CHCHD3: variants seen among roughly 807,000 people sequenced by gnomAD.
CHCHD3 encodes the protein MICOS complex subunit MIC19.
In CHCHD3, 20 loss-of-function variants were observed where a neutral mutation model predicts 38.2. The observed-to-expected ratio is 0.52, with a 90% CI of 0.37 to 0.76. CHCHD3 has a LOEUF of 0.76. CHCHD3 is among the 30% of genes least tolerant of loss of function. The pLI, the probability that CHCHD3 is intolerant of heterozygous loss-of-function variation, is 0.00. For missense variants in CHCHD3, 245 were observed against 279.2 expected, an observed-to-expected ratio of 0.88 and a Z score of 0.87; for synonymous variants, 82 against 100.0, an observed-to-expected ratio of 0.82 and a Z score of 1.07.
intron 6 of CHCHD3, among the ~76,000 whole-genome samples, chr7:132,820,405 A>G (rs1226942071): frequency 6.6e-6 from 1 of 152,180 alleles, no homozygotes; most frequent in African/African-American, 2.4e-5. Flanking sequence ...ACTGCTAACA[A>G]AAAATGTTTG....
chr7:133,029,419 G>C (rs1813440890), intron 2 of CHCHD3, among the ~76,000 whole-genome samples: 1 of 152,032 alleles, frequency 6.6e-6, no homozygotes, highest in Non-Finnish European at 1.5e-5. Flanking sequence ...ACATCCCCTG[G>C]TAATCACTCT....
At chr7:133,072,277 TATTATGGTAATCC>T (rs1814846320) in intron 1 of CHCHD3, among the ~76,000 whole-genome samples, 1 of 151,228 alleles carries the variant, frequency 6.6e-6, no homozygotes, top group Non-Finnish European at 1.5e-5. Context: ...AAAAAAAAGC[TATTATGGTAATCC>T]AGGGGAGAAC....
At chr7:133,067,679 C>T (rs1030208779) in intron 2 of CHCHD3, among the ~76,000 whole-genome samples, 7 of 152,218 alleles carry the variant, frequency 4.6e-5, no homozygotes, top group African/African-American at 1.7e-4. Flanking sequence ...GACAAGGCAT[C>T]TTCTTAAGCC....
At chr7:132,957,144 AG>A (rs1811195652) in intron 4 of CHCHD3, among the ~76,000 whole-genome samples, 3 of 152,246 alleles carry the variant, frequency 2.0e-5, no homozygotes. Flanking sequence ...GGGAACCTGG[AG>A]ACCTGGAGGC....
intron 1 of CHCHD3, among the ~76,000 whole-genome samples, chr7:133,079,837 T>G (rs1278911810): frequency 6.6e-6 from 1 of 152,222 alleles, no homozygotes; most frequent in Non-Finnish European, 1.5e-5. Flanking sequence ...AAGTTGATAC[T>G]CTTTTGATCA....
intron 5 of CHCHD3, chr7:132,849,646 T>C (rs1264766623): frequency 6.6e-6 from 1 of 152,208 alleles, no homozygotes; most frequent in Non-Finnish European, 1.5e-5. Context: ...AAGCTAGATA[T>C]ATGGTAAACA....
chr7:132,890,811 C>T (rs992966856), intron 4 of CHCHD3, among the ~76,000 whole-genome samples: 1 of 152,100 alleles, frequency 6.6e-6, no homozygotes, highest in Non-Finnish European at 1.5e-5. Flanking sequence ...AATCTTTTAA[C>T]AATCTGAAGC....
At chr7:132,957,911 T>C (rs966088076) in intron 4 of CHCHD3, among the ~76,000 whole-genome samples, 4 of 152,210 alleles carry the variant, frequency 2.6e-5, no homozygotes, top group Non-Finnish European at 4.4e-5. Context: ...AACTTAGTAT[T>C]GCACATTTGG....
At chr7:132,848,669 A>G (rs1273502608) in intron 5 of CHCHD3, among the ~76,000 whole-genome samples, 1 of 152,198 alleles carries the variant, frequency 6.6e-6, no homozygotes, top group Non-Finnish European at 1.5e-5. Context: ...TCTATCAGAA[A>G]ACCTAATGAC....
chr7:132,894,330 C>T (rs1809441739), intron 4 of CHCHD3, among the ~76,000 whole-genome samples: 1 of 152,122 alleles, frequency 6.6e-6, no homozygotes, highest in Admixed American at 6.5e-5. Context: ...GTAAGAAACT[C>T]AGTGAGGAGA....
intron 6 of CHCHD3, among the ~76,000 whole-genome samples, chr7:132,825,399 A>T (rs1476990041): frequency 6.6e-6 from 1 of 152,236 alleles, no homozygotes; most frequent in Non-Finnish European, 1.5e-5. Context: ...CAAAGACTTC[A>T]AAAACAGCCC....
chr7:132,937,783 T>A (rs1262381393), intron 4 of CHCHD3, among the ~76,000 whole-genome samples: 1 of 152,174 alleles, frequency 6.6e-6, no homozygotes, highest in East Asian at 1.9e-4. Context: ...AAACAGCAAT[T>A]TACCCAATAT....
chr7:133,060,507 ACAATGAG>A (rs1195100444), intron 2 of CHCHD3, among the ~76,000 whole-genome samples: 1 of 152,240 alleles, frequency 6.6e-6, no homozygotes, highest in Non-Finnish European at 1.5e-5. Context: ...AGGGATCTGA[ACAATGAG>A]CAGGAGTTTG....
intron 7 of CHCHD3, among the ~76,000 whole-genome samples, chr7:132,786,651 ACCTGCCTCCCG>A (rs1245840638): frequency 6.6e-6 from 1 of 152,026 alleles, no homozygotes; most frequent in East Asian, 1.9e-4. Flanking sequence ...ATCCATTCCC[ACCTGCCTCCCG>A]CCAACCCGCA....
chr7:132,835,586 G>A (rs1311507474), intron 6 of CHCHD3, among the ~76,000 whole-genome samples: 1 of 152,146 alleles, frequency 6.6e-6, no homozygotes, highest in African/African-American at 2.4e-5. Flanking sequence ...TGACATGGCA[G>A]CTGGGCAGAG....
intron 2 of CHCHD3, among the ~76,000 whole-genome samples, chr7:133,045,846 C>A (rs1241638279): frequency 6.6e-6 from 1 of 151,984 alleles, no homozygotes; most frequent in African/African-American, 2.4e-5. Context: ...GTGTGTGGCA[C>A]CTCTCGCTGC....
At chr7:132,801,921 G>A (rs1356147349) in intron 6 of CHCHD3, among the ~76,000 whole-genome samples, 1 of 152,166 alleles carries the variant, frequency 6.6e-6, no homozygotes, top group Non-Finnish European at 1.5e-5. Flanking sequence ...GAGGGCAGGA[G>A]GGGAAAGCAC....
In CHCHD3 at chr7:133,035,181, T is replaced by C. The variant is rs1241347628; in HGVS notation, c.170-10554A>G. On this transcript the variant is annotated intron_variant, in intron 2 of 7. Transcript: ENST00000262570. This position sits in a 1 kb window ranked among gnomAD's most constrained non-coding sequence, Gnocchi z 4.7. ...AGCCGCCTTTTTCTCCTCCTTCCGC[T>C]CAGCCTGGGGCTTCTGCTTCTCTTC... is the stretch of plus-strand genomic sequence containing the variant. 2.5e-6 allele frequency: 4 copies of C among 1,613,612 alleles called. No homozygotes were observed. Among genetic ancestry groups the C allele is most frequent in the African/African-American group, 2.7e-5 (2 of 74,908 alleles).
intron 7 of CHCHD3, among the ~76,000 whole-genome samples, chr7:132,786,358 C>T (rs947243923): frequency 2.0e-5 from 3 of 152,126 alleles, no homozygotes; most frequent in African/African-American, 7.2e-5. Flanking sequence ...AGGGGGAGAA[C>T]GCAGATGTTC....
Sources: allele counts gnomAD v4.1 joint callset (sites outside exome capture counted in the v4.1 genomes callset), GRCh38; gene constraint gnomAD v4.1.1; non-coding constraint Gnocchi (gnomAD v3.1); transcripts MANE v1.5; gene names NCBI Gene and HGNC (gene_info 2026-07-23, HGNC 2026-07-21).